TRMT11: variants seen among roughly 807,000 people sequenced by gnomAD.
TRMT11 encodes the protein tRNA (guanine(10)-N(2))-methyltransferase TRMT11.
TRMT11 carries 53 observed loss-of-function variants against 62.8 expected under a neutral mutation model. The ratio of observed to expected loss-of-function variants is 0.84; its 90% CI spans 0.68 to 1.06. The LOEUF is 1.06. TRMT11 is among the 50% of genes least tolerant of loss of function. The probability of loss-of-function intolerance (pLI) is 0.00; values close to 1 mark genes in which losing one functional copy is unlikely to be tolerated. For missense variants in TRMT11, 556 were observed against 553.4 expected, an observed-to-expected ratio of 1.00 and a Z score of -0.05; for synonymous variants, 188 against 190.3, an observed-to-expected ratio of 0.99 and a Z score of 0.10.
chr6:126,014,354 G>A (rs1018363071), intron 11 of TRMT11, among the ~76,000 whole-genome samples: 17 of 152,040 alleles, frequency 1.1e-4, no homozygotes, highest in African/African-American at 3.9e-4. Context: ...GGGTTCAAGC[G>A]ATACTCCCAC....
chr6:126,114,750 T>A (rs781720052), intron 19 of TRMT11, among the ~76,000 whole-genome samples: 2 of 152,102 alleles, frequency 1.3e-5, no homozygotes, highest in Non-Finnish European at 2.9e-5. Flanking sequence ...GTAAGTTTAT[T>A]CACTTAACAA....
rs553023305 is a variant in TRMT11 at position 126,052,093 on chromosome 6, T to C, written c.*1370-1030T>C. Reference sequence around the variant, plus strand: ...ACAAGAAATTTATACTAGAATTACTTAATGAGATAAAATTTCTCCACTGTG... The same window carrying C: ...ACAAGAAATTTATACTAGAATTACTCAATGAGATAAAATTTCTCCACTGTG... On this transcript the variant is annotated intron_variant and NMD_transcript_variant, in intron 16 of 22. Transcript: ENST00000648977. Among the ~76,000 whole-genome samples the C allele has an allele frequency of 1.2e-4, 18 of 152,300 alleles. No homozygotes were observed. The South Asian group carries it at 1.9e-3, about 16-fold the overall frequency.
intron 21 of TRMT11, among the ~76,000 whole-genome samples, chr6:126,151,805 CT>C (rs1491442970): frequency 3.5e-4 from 19 of 54,592 alleles, no homozygotes; most frequent in African/African-American, 1.5e-3. Context: ...TCCTCTCTGT[CT>C]TTTCTTTCTT....
chr6:126,136,250 ACT>A lies in TRMT11; in HGVS notation c.*1823+20398_*1823+20399del, dbSNP rs1025461437. 1.1e-4 allele frequency among the ~76,000 whole-genome samples: 17 copies of A among 151,698 alleles called. No homozygotes were observed. In the East Asian group the frequency reaches 3.1e-3, roughly 28 times the overall value. On this transcript the variant is annotated intron_variant and NMD_transcript_variant, in intron 21 of 22. Transcript: ENST00000648977. ...ATCTTATATTTAGAAAAACCTGAAG[ACT>A]CTGCCAAAAAACTTTTAGAACTGAA...
At chr6:126,101,587 A>G (rs2128178725) in intron 17 of TRMT11, among the ~76,000 whole-genome samples, 1 of 152,340 alleles carries the variant, frequency 6.6e-6, no homozygotes, top group Non-Finnish European at 1.5e-5. Flanking sequence ...TTCAGTTCTT[A>G]AAATAAATCA....
chr6:126,101,316 TTAA>T (rs1158288180), intron 17 of TRMT11, among the ~76,000 whole-genome samples: 1 of 152,178 alleles, frequency 6.6e-6, no homozygotes, highest in Non-Finnish European at 1.5e-5. Flanking sequence ...AACTTTGAAA[TTAA>T]TTATATATAT....
chr6:126,221,133 G>C, the TRMT11 span, among the ~76,000 whole-genome samples: 1 of 152,140 alleles, frequency 6.6e-6, no homozygotes, highest in African/African-American at 2.4e-5. Flanking sequence ...TGATGTATAT[G>C]TACCACATTT....
intron 12 of TRMT11, among the ~76,000 whole-genome samples, chr6:126,038,401 A>C (rs964812849): frequency 7.6e-5 from 11 of 145,426 alleles, no homozygotes; most frequent in Non-Finnish European, 1.3e-4. Context: ...TATAGCCTTG[A>C]CTCTGTTACT....
At chr6:126,043,256 A>G (rs994530843), downstream of TRMT11, among the ~76,000 whole-genome samples, 12 of 128,500 alleles carry the variant, frequency 9.3e-5, no homozygotes, top group African/African-American at 3.3e-4. Context: ...TCCTGTGTCC[A>G]TGTGTTCTCA....
intron 8 of TRMT11, chr6:126,008,796 T>G (rs1793748134): frequency 2.1e-6 from 1 of 484,584 alleles, no homozygotes; most frequent in African/African-American, 1.9e-5. Flanking sequence ...GAGTCAAAAG[T>G]TATATGCATA....
At chr6:126,217,419 C>T in the TRMT11 span, among the ~76,000 whole-genome samples, 3 of 152,126 alleles carry the variant, frequency 2.0e-5, no homozygotes, top group African/African-American at 7.2e-5. Flanking sequence ...GTGTTATGAT[C>T]CAAGTTTTTG....
chr6:126,136,590 A>G (rs1310596014), intron 21 of TRMT11, among the ~76,000 whole-genome samples: 1 of 151,284 alleles, frequency 6.6e-6, no homozygotes, highest in East Asian at 1.9e-4. Context: ...AGTGAACTAC[A>G]ATCAAAACAC....
upstream of TRMT11, among the ~76,000 whole-genome samples, chr6:126,175,429 G>A (rs543300387): frequency 6.6e-6 from 1 of 152,280 alleles, no homozygotes; most frequent in African/African-American, 2.4e-5. Context: ...GAGGCTGACT[G>A]TTTTTGTAGC....
chr6:126,015,982 TTTGA>T (rs1297529579), intron 11 of TRMT11, among the ~76,000 whole-genome samples: 4 of 152,232 alleles, frequency 2.6e-5, no homozygotes, highest in Non-Finnish European at 4.4e-5. Context: ...TAATGTTAAC[TTTGA>T]TTGTCTGGTC....
At chr6:126,167,931 T>C (rs1202392182) in intron 21 of TRMT11, among the ~76,000 whole-genome samples, 2 of 152,222 alleles carry the variant, frequency 1.3e-5, no homozygotes, top group African/African-American at 4.8e-5. Context: ...GTAAACATTT[T>C]ATTCAGAAGC....
chr6:126,258,087 A>C, the TRMT11 span: 3 of 1,057,326 alleles, frequency 2.8e-6, no homozygotes, highest in Non-Finnish European at 4.4e-6. Context: ...GTCAATCTCC[A>C]GTTCTGGGAT....
At chr6:126,116,930 T>G (rs894675073) in intron 21 of TRMT11, among the ~76,000 whole-genome samples, 1 of 152,086 alleles carries the variant, frequency 6.6e-6, no homozygotes, top group Non-Finnish European at 1.5e-5. Context: ...AGATATTTTG[T>G]GTTAAAATTC....
At position 126,130,452 on chromosome 6, in the gene TRMT11, C is replaced by T. The variant is rs1373183286; in HGVS notation, c.*1823+14597C>T. Among the ~76,000 whole-genome samples the T allele has an allele frequency of 2.0e-5, 3 of 151,986 alleles. No homozygotes were observed. In the East Asian group the frequency reaches 5.8e-4, roughly 29 times the overall value. On this transcript the variant is annotated intron_variant and NMD_transcript_variant, in intron 21 of 22. Coordinates refer to the TRMT11 transcript ENST00000648977. The stretch of plus-strand genomic sequence containing the variant: ...GTTTTGCAGAGGTTAAATAACGTGC[C>T]AGCAGGCTGCCCAGCCAGAACGGGA...
At chr6:126,251,863 A>T in the TRMT11 span, among the ~76,000 whole-genome samples, 30 of 152,312 alleles carry the variant, frequency 2.0e-4, no homozygotes, top group Admixed American at 1.3e-3. Flanking sequence ...TGTACTTAGT[A>T]TCTTGCCCAG....
Sources: gnomAD v4.1 joint callset for allele counts (sites outside exome capture counted in the v4.1 genomes callset) on GRCh38, gnomAD v4.1.1 for gene constraint, MANE v1.5 for transcripts, NCBI Gene and HGNC (gene_info 2026-07-23, HGNC 2026-07-21) for gene names.